SLC22A3: variants seen among roughly 807,000 people sequenced by gnomAD.
SLC22A3 encodes the protein solute carrier family 22 member 3, also known as EMT organic cation transporter 3.
In SLC22A3, 51 loss-of-function variants were observed where a neutral mutation model predicts 59.1. The ratio of observed to expected loss-of-function variants is 0.86; its 90% confidence interval spans 0.69 to 1.09. SLC22A3 has a LOEUF of 1.09. Among genes scored for constraint, SLC22A3 ranks in the 50% least tolerant of loss-of-function variants. The pLI is 0.00. For synonymous variants in SLC22A3, 325 were observed against 292.0 expected (o/e 1.11, Z -1.15); for missense variants, 711 against 726.3 (o/e 0.98, Z 0.24).
chr6:160,409,392 G>A (rs1437769404), intron 4 of SLC22A3, among the ~76,000 whole-genome samples: 1 of 124,532 alleles, frequency 8.0e-6, no homozygotes, highest in East Asian at 2.2e-4. Context: ...TGGTGTATAT[G>A]TGCCACATTT....
At chr6:160,418,170 G>C (rs2114876166) in intron 5 of SLC22A3, among the ~76,000 whole-genome samples, 1 of 152,312 alleles carries the variant, frequency 6.6e-6, no homozygotes, top group South Asian at 2.1e-4. Context: ...CAATGTGGGT[G>C]AGCACCATCC....
At chr6:160,422,522 C>T (rs1226108797) in intron 5 of SLC22A3, among the ~76,000 whole-genome samples, 2 of 152,152 alleles carry the variant, frequency 1.3e-5, no homozygotes, top group Non-Finnish European at 2.9e-5. Context: ...AAACAGCGTG[C>T]GGCCCATGCA....
At chr6:160,442,353 G>T (rs1788575175) in intron 7 of SLC22A3, among the ~76,000 whole-genome samples, 1 of 152,222 alleles carries the variant, frequency 6.6e-6, no homozygotes, top group Non-Finnish European at 1.5e-5. Context: ...CGCAAGGTAT[G>T]CACAGAAAGG....
chr6:160,364,898 T>C (rs1785149486), intron 1 of SLC22A3, among the ~76,000 whole-genome samples: 2 of 152,246 alleles, frequency 1.3e-5, no homozygotes, highest in South Asian at 4.1e-4. Context: ...TTACAGCTTT[T>C]AATAGCTATG....
At chr6:160,358,473 G>A (rs1307620368) in intron 1 of SLC22A3, among the ~76,000 whole-genome samples, 24 of 152,324 alleles carry the variant, frequency 1.6e-4, no homozygotes. Flanking sequence ...AGGGCACCAA[G>A]ATTCCAATAC....
At chr6:160,393,558 T>G (rs551730125) in intron 1 of SLC22A3, among the ~76,000 whole-genome samples, 259 of 152,040 alleles carry the variant, frequency 1.7e-3, no homozygotes, top group African/African-American at 6.1e-3. Context: ...TTTGTCCTTG[T>G]GATAGTTTGC....
chr6:160,407,173 G>T lies in SLC22A3; in HGVS notation c.666G>T (p.Thr222=). Reference sequence around the variant, plus strand: ...TGCAAGGTGTATTTGGAAAGGGGACGTGGATGACTTGCTACGTGATTGGTA... The same window carrying T: ...TGCAAGGTGTATTTGGAAAGGGGACTTGGATGACTTGCTACGTGATTGGTA... ...RFLQGVFGKG[T]WMTCYVIVTE... is the part of the protein sequence containing the mutation. Residue 222 remains threonine, a synonymous_variant, in exon 3 of 11, where the codon ACG becomes ACT. Coordinates refer to ENST00000275300, the MANE Select transcript of SLC22A3 (RefSeq NM_021977.4). The T allele has an allele frequency of 6.2e-7, 1 of 1,610,966 alleles. No individual in the cohort carries two copies.
intron 1 of SLC22A3, among the ~76,000 whole-genome samples, chr6:160,354,148 G>A (rs1197168014): frequency 2.6e-5 from 4 of 152,116 alleles, no homozygotes; most frequent in East Asian, 3.9e-4. Flanking sequence ...CTGTACTTTT[G>A]GACCCACGGG....
At chr6:160,383,437 C>T (rs1013431502) in intron 1 of SLC22A3, among the ~76,000 whole-genome samples, 7 of 152,282 alleles carry the variant, frequency 4.6e-5, no homozygotes, top group African/African-American at 1.4e-4. Flanking sequence ...CCCTGGGGGG[C>T]CCTTCCCGCT....
chr6:160,351,160 G>A (rs1157069183), intron 1 of SLC22A3, among the ~76,000 whole-genome samples: 1 of 152,194 alleles, frequency 6.6e-6, no homozygotes, highest in Non-Finnish European at 1.5e-5. Flanking sequence ...CTGTCGCCCA[G>A]GCTGGTGTGC....
At chr6:160,379,246 T>C (rs547603586) in intron 1 of SLC22A3, among the ~76,000 whole-genome samples, 1 of 152,320 alleles carries the variant, frequency 6.6e-6, no homozygotes, top group South Asian at 2.1e-4. Context: ...TTTAATGCTT[T>C]TCCTCTATCT....
At position 160,348,797 on chromosome 6, in the gene SLC22A3, G is replaced by T. The variant is rs374972939; in HGVS notation, c.378G>T (p.Pro126=). 9.7e-5 allele frequency: 153 copies of T among 1,576,812 alleles called. No individual in the cohort carries two copies. The highest frequency in any genetic ancestry group is 1.7e-4 in the Middle Eastern group (1 of 5,846). The change falls in exon 1 of 11, where the codon CCG becomes CCT. Residue 126 remains proline, a synonymous_variant. Coordinates refer to ENST00000275300, the MANE Select transcript of SLC22A3 (RefSeq NM_021977.4). ...AFPNRSAPLV[P]CRGGWRYAQA... ...CCAACCGCTCGGCTCCCCTTGTGCC[G>T]TGCCGCGGCGGCTGGCGCTACGCCC...
Position 160,436,774 on chromosome 6 carries a change from A to G in SLC22A3, c.976-6A>G. The G allele has an allele frequency of 6.3e-7, 1 of 1,589,486 alleles. No homozygotes were observed. Among genetic ancestry groups the G allele is most frequent in the African/African-American group, 1.3e-5 (1 of 74,126 alleles). On this transcript the variant is annotated splice_polypyrimidine_tract_variant and splice_region_variant and intron_variant, in intron 5 of 10. Transcript: ENST00000275300. The stretch of plus-strand genomic sequence containing the variant: ...ATTGCTACTGAAATCTGCTTTTCTT[A>G]TATAGATCACTGTTACAGATGAGGA...
chr6:160,421,394 A>G (rs1052526372), intron 5 of SLC22A3, among the ~76,000 whole-genome samples: 5 of 152,160 alleles, frequency 3.3e-5, no homozygotes, highest in African/African-American at 1.2e-4. Flanking sequence ...AGGAGTTCCG[A>G]GCTTTGCGAC....
chr6:160,402,280 T>A (rs1438437121), intron 2 of SLC22A3, among the ~76,000 whole-genome samples: 1 of 151,942 alleles, frequency 6.6e-6, no homozygotes, highest in African/African-American at 2.4e-5. Context: ...AGGAAAGTTA[T>A]CAGGGATAAA....
chr6:160,377,627 A>G (rs150398286), intron 1 of SLC22A3, among the ~76,000 whole-genome samples: 49 of 152,274 alleles, frequency 3.2e-4, no homozygotes, highest in African/African-American at 9.6e-4. Context: ...CTCTCCTAAG[A>G]TTATTAAGAG....
intron 1 of SLC22A3, among the ~76,000 whole-genome samples, chr6:160,380,468 A>G (rs1785755347): frequency 6.6e-6 from 1 of 152,168 alleles, no homozygotes; most frequent in Non-Finnish European, 1.5e-5. Context: ...TATGATGATG[A>G]TATAAAAGAT....
intron 5 of SLC22A3, among the ~76,000 whole-genome samples, chr6:160,424,186 A>T (rs890356368): frequency 6.6e-6 from 1 of 152,172 alleles, no homozygotes; most frequent in Non-Finnish European, 1.5e-5. Flanking sequence ...GATCCTAGGG[A>T]TTATGGAGTT....
At chr6:160,406,358 C>T (rs1458316171) in intron 2 of SLC22A3, among the ~76,000 whole-genome samples, 1 of 152,162 alleles carries the variant, frequency 6.6e-6, no homozygotes. Context: ...TAATTTGACA[C>T]CACTATGCTG....
Sources: allele counts gnomAD v4.1 joint callset (sites outside exome capture counted in the v4.1 genomes callset), GRCh38; gene constraint gnomAD v4.1.1; transcripts MANE v1.5; gene names NCBI Gene and HGNC (gene_info 2026-07-23, HGNC 2026-07-21).